Variants in PTPRD observed in about 807,000 individuals in gnomAD.
The protein encoded by PTPRD is receptor-type tyrosine-protein phosphatase delta.
Under a neutral mutation model 214.5 loss-of-function variants are expected in PTPRD, and 34 were observed. That is an observed-to-expected ratio of 0.16 (90% confidence interval 0.12 to 0.21). PTPRD has a LOEUF of 0.21. Ranked by LOEUF, PTPRD falls within the 10% of genes least tolerant of loss-of-function variation. The pLI is 1.00. For synonymous variants in PTPRD, 1,128 were observed against 845.7 expected (o/e 1.33, Z -5.79); for missense variants, 2,545 against 2,398.7 (o/e 1.06, Z -1.27).
At chr9:10,046,467 T>C (rs754370281) in intron 3 of PTPRD, among the ~76,000 whole-genome samples, 25 of 151,864 alleles carry the variant, frequency 1.6e-4, no homozygotes, top group Non-Finnish European at 3.2e-4. Context: ...TTTTTTTACC[T>C]TTAAAAAATT....
chr9:9,014,440 T>C (rs1018070052), intron 11 of PTPRD, among the ~76,000 whole-genome samples: 2 of 152,148 alleles, frequency 1.3e-5, no homozygotes, highest in Admixed American at 6.6e-5. Flanking sequence ...CTTTTCTACA[T>C]ACTAAATTCA....
At chr9:8,845,704 C>T (rs967577992) in intron 11 of PTPRD, among the ~76,000 whole-genome samples, 1 of 152,220 alleles carries the variant, frequency 6.6e-6, no homozygotes, top group Non-Finnish European at 1.5e-5. Context: ...AAACAAGAGG[C>T]CCATGTGTGA....
intron 2 of PTPRD, among the ~76,000 whole-genome samples, chr9:10,545,804 T>C (rs1295910954): frequency 6.6e-6 from 1 of 152,136 alleles, no homozygotes; most frequent in Admixed American, 6.6e-5. Flanking sequence ...CATTTCTTTC[T>C]TTACTTCCTC....
chr9:10,063,620 T>A (rs2097820597), intron 3 of PTPRD, among the ~76,000 whole-genome samples: 1 of 152,012 alleles, frequency 6.6e-6, no homozygotes, highest in Admixed American at 6.6e-5. Context: ...TCAGTTCTAA[T>A]ACAAAACACA....
chr9:9,777,118 T>C (rs918239625), intron 5 of PTPRD, among the ~76,000 whole-genome samples: 1 of 152,196 alleles, frequency 6.6e-6, no homozygotes, highest in Non-Finnish European at 1.5e-5. Context: ...ACATGTAATA[T>C]AGTAAGAACA....
At chr9:9,491,943 T>A (rs1188414151) in intron 8 of PTPRD, among the ~76,000 whole-genome samples, 24 of 151,954 alleles carry the variant, frequency 1.6e-4, no homozygotes, top group Admixed American at 1.5e-3. Context: ...AGTAAATCAA[T>A]GAAACCAAAA....
rs1555340190 is a variant in PTPRD, at chr9:9,923,123, G to GTGTGTGTGT, written c.-368+15383_-368+15384insACACACACA. Reference sequence around the variant, plus strand: ...AAAAAAAAGGACTGTGTGTGTGGGGGGTGTGTGTGTGTGTGTGTGTGTGTG... The same window carrying GTGTGTGTGT: ...AAAAAAAAGGACTGTGTGTGTGGGGGTGTGTGTGTGTGTGTGTGTGTGTGTGTGTGTGTG... On this transcript the variant is annotated intron_variant, in intron 5 of 45. Transcript: ENST00000381196. Among the ~76,000 whole-genome samples, 908 of 145,040 alleles carry GTGTGTGTGT rather than the reference G, an allele frequency of 6.3e-3. 11 individuals are homozygous for GTGTGTGTGT. The highest frequency in any genetic ancestry group is 0.033 in the South Asian group (148 of 4,530).
intron 11 of PTPRD, among the ~76,000 whole-genome samples, chr9:8,772,552 AG>A (rs2095277490): frequency 6.6e-6 from 1 of 152,034 alleles, no homozygotes; most frequent in Non-Finnish European, 1.5e-5. Context: ...AGGAGGCAGG[AG>A]GATCACTTGA....
intron 36 of PTPRD, among the ~76,000 whole-genome samples, chr9:8,395,460 T>C (rs1334995783): frequency 6.6e-6 from 1 of 151,470 alleles, no homozygotes; most frequent in Non-Finnish European, 1.5e-5. Flanking sequence ...CCCCGACCCT[T>C]CACCTGTTCA....
chr9:10,042,679 C>A (rs1357915980), intron 3 of PTPRD, among the ~76,000 whole-genome samples: 1 of 151,800 alleles, frequency 6.6e-6, no homozygotes, highest in African/African-American at 2.4e-5. Flanking sequence ...TGGAGGACCA[C>A]CAGATGAGGG....
intron 8 of PTPRD, 121 bp from the exon 9 acceptor site, chr9:9,397,603 T>G (rs542517027): frequency 6.6e-5 from 10 of 152,328 alleles, no homozygotes; most frequent in African/African-American, 2.4e-4. Flanking sequence ...AAGTAAGCAA[T>G]GAAGATACGT....
intron 7 of PTPRD, among the ~76,000 whole-genome samples, chr9:9,699,163 A>G (rs146878073): frequency 7.9e-5 from 12 of 152,312 alleles, no homozygotes; most frequent in African/African-American, 2.6e-4. Flanking sequence ...TTATCATGGT[A>G]ACAATAACAT....
At chr9:9,927,871 G>A (rs1272378207) in intron 5 of PTPRD, among the ~76,000 whole-genome samples, 3 of 152,042 alleles carry the variant, frequency 2.0e-5, no homozygotes, top group African/African-American at 7.2e-5. Context: ...GTGAATAAAG[G>A]ACACGGGAAG....
chr9:10,219,429 T>TTCATGCTGAAA (rs1229973169), intron 3 of PTPRD, among the ~76,000 whole-genome samples: 2 of 151,846 alleles, frequency 1.3e-5, no homozygotes, highest in African/African-American at 4.8e-5. Context: ...TTAATTTCTA[T>TTCATGCTGAAA]TCATGCTGAA....
At chr9:9,129,355 A>T (rs1185619179) in intron 10 of PTPRD, among the ~76,000 whole-genome samples, 1 of 152,206 alleles carries the variant, frequency 6.6e-6, no homozygotes, top group African/African-American at 2.4e-5. Flanking sequence ...GTGCCACTGC[A>T]CTCCAGCCTG....
At chr9:8,363,627 T>C (rs2079047592) in intron 39 of PTPRD, among the ~76,000 whole-genome samples, 2 of 152,164 alleles carry the variant, frequency 1.3e-5, no homozygotes, top group Admixed American at 6.5e-5. Context: ...GAAATTCACA[T>C]TGCACTTAAC....
chr9:8,449,688 A>C, intron 34 of PTPRD, 37 bp downstream of exon 34: 1 of 1,583,160 alleles, frequency 6.3e-7, no homozygotes, highest in Non-Finnish European at 8.7e-7. Flanking sequence ...ACTTCTGGGA[A>C]AGACTGTGTG....
chr9:10,272,941 T>C (rs1375029403), intron 3 of PTPRD, among the ~76,000 whole-genome samples: 1 of 152,176 alleles, frequency 6.6e-6, no homozygotes, highest in African/African-American at 2.4e-5. Context: ...CAGTATTCTG[T>C]CTCAATTCAG....
intron 2 of PTPRD, among the ~76,000 whole-genome samples, chr9:10,583,211 G>A (rs2072624326): frequency 6.6e-6 from 1 of 152,210 alleles, no homozygotes; most frequent in Non-Finnish European, 1.5e-5. Context: ...TATTGTGGAA[G>A]AAGGAAGTTC....
Sources: allele counts gnomAD v4.1 joint callset (sites outside exome capture counted in the v4.1 genomes callset), GRCh38; gene constraint gnomAD v4.1.1; transcripts MANE v1.5; gene names NCBI Gene and HGNC (gene_info 2026-07-23, HGNC 2026-07-21).